The following PCDHGA11 variants were observed in gnomAD, a reference collection of about 807,000 sequenced individuals.
PCDHGA11 encodes protocadherin gamma subfamily A, 11, also known as protocadherin gamma-A11.
In PCDHGA11, 39 loss-of-function variants were observed where a neutral mutation model predicts 60.4. The ratio of observed to expected loss-of-function variants is 0.65; its 90% CI spans 0.50 to 0.84. The LOEUF (loss-of-function observed/expected upper bound fraction) is 0.84, where lower values mean the gene tolerates loss of function less well. PCDHGA11 is among the 40% of genes least tolerant of loss of function. PCDHGA11 has a pLI of 0.00. For synonymous variants in PCDHGA11, 533 were observed against 510.3 expected, an observed-to-expected ratio of 1.04 and a Z score of -0.60; for missense variants, 1,165 against 1,197.7, an observed-to-expected ratio of 0.97 and a Z score of 0.40.
chr5:141,421,670 T>A lies in PCDHGA11; in HGVS notation c.443T>A (p.Ile148Asn). Reference sequence around the variant, plus strand: ...GAGATAAAAGTCAGTGAGCACGCAATTCCTGGGGCGCGATTTGCTCTTCCT... The same window carrying A: ...GAGATAAAAGTCAGTGAGCACGCAAATCCTGGGGCGCGATTTGCTCTTCCT... The part of the protein sequence containing the change: ...EVEIKVSEHA[I>N]PGARFALPNA... Residue 148 changes from isoleucine (I) to asparagine (N), a missense_variant, in exon 1 of 4, where the codon ATT becomes AAT. Ile to Asn is a moderately radical substitution (Grantham distance 149). Coordinates refer to ENST00000398587, the MANE Select transcript of PCDHGA11 (RefSeq NM_018914.3). 1.9e-6 allele frequency: 3 copies of A among 1,613,892 alleles called. No homozygotes were observed. Among genetic ancestry groups the A allele is most frequent in the Non-Finnish European group, 2.5e-6 (3 of 1,179,840 alleles).
rs1320526226 is a variant in PCDHGA11 at position 141,421,474 on chromosome 5, G to A, written c.247G>A (p.Gly83Ser). The A allele has an allele frequency of 1.2e-6, 2 of 1,614,014 alleles. No individual in the cohort carries two copies. The highest frequency in any genetic ancestry group is 1.7e-6 in the Non-Finnish European group (2 of 1,179,962). The change falls in exon 1 of 4, where the codon GGC becomes AGC. Residue 83 changes from glycine (G) to serine (S), a missense_variant. Physicochemically the swap from Gly to Ser is moderately conservative, Grantham distance 56. Coordinates refer to ENST00000398587, the MANE Select transcript of PCDHGA11 (RefSeq NM_018914.3). ...TQLFAVNPRS[G>S]SLITAGRIDR... ...GCTTTTCGCTGTGAATCCGCGAAGC[G>A]GCAGCTTGATCACGGCAGGCAGGAT...
At chr5:141,460,122 G>A (rs530307574) in intron 1 of PCDHGA11, among the ~76,000 whole-genome samples, 2 of 151,928 alleles carry the variant, frequency 1.3e-5, no homozygotes, top group African/African-American at 4.8e-5. Flanking sequence ...TTTTATATAT[G>A]TAATATATAT....
intron 1 of PCDHGA11, chr5:141,478,713 G>A (rs745990290): frequency 1.9e-6 from 3 of 1,546,642 alleles, no homozygotes; most frequent in African/African-American, 2.7e-5. Context: ...TTGTGAGATG[G>A]TGGCCTGCCA....
At chr5:141,433,343 G>A (rs1591274674) in intron 1 of PCDHGA11, 1 of 630,308 alleles carries the variant, frequency 1.6e-6, no homozygotes, top group Admixed American at 3.0e-5. Flanking sequence ...ACAGGTGCAA[G>A]CCACCTACTG....
intron 1 of PCDHGA11, among the ~76,000 whole-genome samples, chr5:141,447,600 T>G (rs769487703): frequency 6.6e-6 from 1 of 151,992 alleles, no homozygotes; most frequent in Non-Finnish European, 1.5e-5. Flanking sequence ...TCCTATAGAG[T>G]CCTTAGCATT....
At position 141,460,338 on chromosome 5, in the gene PCDHGA11, T is replaced by C. The variant is rs1180912204; in HGVS notation, c.2434-34469T>C. Among the ~76,000 whole-genome samples, 4 of 152,222 alleles carry C rather than the reference T, an allele frequency of 2.6e-5. No homozygotes were observed. The East Asian group carries it at 7.7e-4, about 29-fold the overall frequency. On this transcript the variant is annotated intron_variant, in intron 1 of 3. Transcript: ENST00000398587. ...GCCTACTGAAAACTTATGATGATTT[T>C]CTCCTATATTTTCTTTTAGAAGTTT...
intron 1 of PCDHGA11, among the ~76,000 whole-genome samples, chr5:141,484,319 C>T (rs1191113560): frequency 6.6e-6 from 1 of 152,212 alleles, no homozygotes; most frequent in Non-Finnish European, 1.5e-5. Context: ...CGCTTCCATA[C>T]TGTCCTTGAA....
chr5:141,510,978 G>A lies in PCDHGA11; in HGVS notation c.2613G>A (p.Gly871=), dbSNP rs2099883535. 1.2e-6 allele frequency: 2 copies of A among 1,614,160 alleles called. No homozygotes were observed. The change falls in exon 4 of 4, where the codon GGG becomes GGA. Residue 871 remains glycine, a synonymous_variant. Transcript: ENST00000398587. The part of the protein sequence containing the change: ...EAADGSSTLG[G]GAGTMGLSAR... Reference sequence around the variant, plus strand: ...CTGATGGGAGCTCCACCCTGGGAGGGGGTGCCGGCACCATGGGATTGAGCG... The same window carrying A: ...CTGATGGGAGCTCCACCCTGGGAGGAGGTGCCGGCACCATGGGATTGAGCG...
intron 1 of PCDHGA11, among the ~76,000 whole-genome samples, chr5:141,479,992 G>A (rs1336315766): frequency 6.6e-6 from 1 of 152,204 alleles, no homozygotes; most frequent in Non-Finnish European, 1.5e-5. Context: ...CCAACTAGGA[G>A]TCTGTGGCCA....
At chr5:141,473,944 CTGTA>C (rs2099333270) in intron 1 of PCDHGA11, among the ~76,000 whole-genome samples, 2 of 152,156 alleles carry the variant, frequency 1.3e-5, no homozygotes, top group Non-Finnish European at 2.9e-5. Context: ...TAGCTCAGGC[CTGTA>C]GTCCCATCTA....
chr5:141,478,911 T>TA, intron 1 of PCDHGA11: 1 of 871,162 alleles, frequency 1.1e-6, no homozygotes, highest in Non-Finnish European at 1.7e-6. Flanking sequence ...AGCTGCTGGA[T>TA]ACCTCTAACC....
Position 141,449,530 on chromosome 5 carries a change from A to G in PCDHGA11, c.2433+25870A>G, listed in dbSNP as rs2098641850. On this transcript the variant is annotated intron_variant, in intron 1 of 3. Transcript: ENST00000398587. ...CTTGAACCTGGGAGGCGGAGGTTGC[A>G]GTGAGCCGAGATCGCACCACTGCAC... Among the ~76,000 whole-genome samples, 4 of 149,684 alleles carry G rather than the reference A, an allele frequency of 2.7e-5. No individual in the cohort carries two copies. The South Asian group carries it at 8.5e-4, about 32-fold the overall frequency.
Position 141,489,101 on chromosome 5 carries a change from T to C in PCDHGA11, c.2434-5706T>C. The C allele has an allele frequency of 2.5e-6, 1 of 398,412 alleles. No homozygotes were observed. The highest frequency in any genetic ancestry group is 4.3e-5 in the South Asian group (1 of 23,096). The allele number at this position is 398,412 out of a possible 1,614,324, so 24.7% of individuals were successfully genotyped here. A position where few individuals can be genotyped will look rare whatever the true frequency, so the allele number is the denominator to read the frequency against. ...CCGCCACTCGGTGACTAAGAACTGC[T>C]GCAAGCAGGCAAACCTCCGAGCAGT... On this transcript the variant is annotated intron_variant, in intron 1 of 3. Coordinates refer to ENST00000398587, the MANE Select transcript of PCDHGA11 (RefSeq NM_018914.3). The surrounding 1 kb of genome is among the most constrained non-coding windows in gnomAD (Gnocchi z 4.5).
At chr5:141,441,087 TGACA>T (rs1168679217) in intron 1 of PCDHGA11, 1 of 152,174 alleles carries the variant, frequency 6.6e-6, no homozygotes, top group Non-Finnish European at 1.5e-5. Flanking sequence ...TGGTAGCAAG[TGACA>T]GAGAGGGACT....
Position 141,511,350 on chromosome 5 carries a change from C to T in PCDHGA11, c.*177C>T, listed in dbSNP as rs1303365585. Reference sequence around the variant, plus strand: ...CCCAGTCAGCACCTACCCCTTCCCCCCCAGGGGGTTGAATATGCAAAAGCA... The same window carrying T: ...CCCAGTCAGCACCTACCCCTTCCCCTCCAGGGGGTTGAATATGCAAAAGCA... On this transcript the variant is annotated 3_prime_UTR_variant, in exon 4 of 4. Transcript: ENST00000398587. The T allele has an allele frequency of 6.4e-6, 9 of 1,397,076 alleles. No homozygotes were observed. Among genetic ancestry groups the T allele is most frequent in the Non-Finnish European group, 8.6e-6 (9 of 1,050,666 alleles). 86.5% of individuals were successfully genotyped at this position (1,397,076 alleles called of 1,614,324 possible).
chr5:141,463,208 C>G (rs895284460), intron 1 of PCDHGA11, among the ~76,000 whole-genome samples: 1 of 152,090 alleles, frequency 6.6e-6, no homozygotes, highest in African/African-American at 2.4e-5. Flanking sequence ...CTTGGGGATC[C>G]ATATTAATAT....
chr5:141,482,363 G>C (rs2099556985), intron 1 of PCDHGA11, among the ~76,000 whole-genome samples: 1 of 152,086 alleles, frequency 6.6e-6, no homozygotes, highest in African/African-American at 2.4e-5. Flanking sequence ...AGAGTGAAAA[G>C]TAATGCATAT....
chr5:141,508,824 G>A (rs893436748), intron 3 of PCDHGA11, among the ~76,000 whole-genome samples: 9 of 151,952 alleles, frequency 5.9e-5, no homozygotes, highest in Admixed American at 3.3e-4. Flanking sequence ...CCAGATCTGG[G>A]CCCCCCTCCC....
chr5:141,504,583 A>C (rs1230825472), intron 2 of PCDHGA11, among the ~76,000 whole-genome samples: 5 of 146,622 alleles, frequency 3.4e-5, no homozygotes, highest in Non-Finnish European at 7.4e-5. Context: ...CCATCTGCCC[A>C]GGATTCACAG....
Sources: allele counts gnomAD v4.1 joint callset (sites outside exome capture counted in the v4.1 genomes callset), GRCh38; gene constraint gnomAD v4.1.1; non-coding constraint Gnocchi (gnomAD v3.1); transcripts MANE v1.5; gene names NCBI Gene and HGNC (gene_info 2026-07-23, HGNC 2026-07-21).